Variants in KLF12 observed in about 807,000 individuals in gnomAD.
KLF12 encodes the protein KLF transcription factor 12, also known as Krueppel-like factor 12.
Under a neutral mutation model 37.8 loss-of-function variants are expected in KLF12, and 9 were observed. The observed-to-expected ratio is 0.24, with a 90% CI of 0.14 to 0.42. KLF12 has a LOEUF of 0.42. KLF12 is among the 10% of genes least tolerant of loss of function. KLF12 has a pLI of 1.00. For missense variants in KLF12, 411 were observed against 516.0 expected (o/e 0.80, Z 1.97); for synonymous variants, 208 against 202.1 (o/e 1.03, Z -0.25).
the KLF12 span, among the ~76,000 whole-genome samples, chr13:74,230,865 CTGTTA>C: frequency 6.6e-6 from 1 of 152,164 alleles, no homozygotes; most frequent in African/African-American, 2.4e-5. Flanking sequence ...AATTTTCATT[CTGTTA>C]TGAGTAACCC....
At chr13:74,132,598 A>G (rs1431372083) in intron 1 of KLF12, among the ~76,000 whole-genome samples, 1 of 152,238 alleles carries the variant, frequency 6.6e-6, no homozygotes, top group Non-Finnish European at 1.5e-5. Context: ...CAAACTGTTT[A>G]TCCAGATTAC....
At chr13:74,090,798 T>C (rs981389677) in intron 1 of KLF12, among the ~76,000 whole-genome samples, 1 of 152,096 alleles carries the variant, frequency 6.6e-6, no homozygotes, top group African/African-American at 2.4e-5. Flanking sequence ...AGGTTCTCCT[T>C]TATTCTCTTA....
chr13:74,250,349 T>C, the KLF12 span, among the ~76,000 whole-genome samples: 2 of 152,156 alleles, frequency 1.3e-5, no homozygotes, highest in African/African-American at 4.8e-5. Flanking sequence ...ACAGATATCT[T>C]GAAATCATGC....
chr13:74,276,406 A>T, the KLF12 span, among the ~76,000 whole-genome samples: 1 of 152,162 alleles, frequency 6.6e-6, no homozygotes, highest in African/African-American at 2.4e-5. Context: ...ATCAAATTTT[A>T]AAAATTCCAT....
intron 3 of KLF12, among the ~76,000 whole-genome samples, chr13:73,919,397 G>A (rs1215474096): frequency 6.6e-6 from 1 of 152,136 alleles, no homozygotes; most frequent in East Asian, 1.9e-4. Context: ...CTGCTAGACT[G>A]CACAGAGACA....
chr13:74,088,014 T>C (rs2138800083), intron 1 of KLF12, among the ~76,000 whole-genome samples: 1 of 152,200 alleles, frequency 6.6e-6, no homozygotes, highest in South Asian at 2.1e-4. Context: ...TCCTTGAAAC[T>C]TCACAGGGAC....
chr13:73,919,247 T>A (rs1593725856), intron 3 of KLF12, among the ~76,000 whole-genome samples: 1 of 152,300 alleles, frequency 6.6e-6, no homozygotes, highest in South Asian at 2.1e-4. Flanking sequence ...CACCCAGGAT[T>A]TACCATGAAA....
chr13:73,768,637 G>A (rs1179627539), intron 5 of KLF12, among the ~76,000 whole-genome samples: 2 of 152,102 alleles, frequency 1.3e-5, no homozygotes, highest in Admixed American at 1.3e-4. Flanking sequence ...TCAAGAACAA[G>A]ACAGTAATCA....
Position 73,989,872 on chromosome 13 carries a change from A to C in KLF12, c.33+5118T>G, listed in dbSNP as rs528327496. The stretch of plus-strand genomic sequence containing the variant: ...AAACAGATGAGGAATTTAGACAAAT[A>C]TCTCTTCATAGACTCCAAAAAATTA... On this transcript the variant is annotated intron_variant, in intron 2 of 7. Coordinates refer to ENST00000377669, the MANE Select transcript of KLF12 (RefSeq NM_007249.5). Among the ~76,000 whole-genome samples the C allele has an allele frequency of 4.6e-5, 7 of 152,294 alleles. No individual in the cohort carries two copies. In the South Asian group the frequency reaches 1.4e-3, roughly 32 times the overall value.
chr13:73,963,418 A>G (rs977279460), intron 2 of KLF12, among the ~76,000 whole-genome samples: 4 of 152,022 alleles, frequency 2.6e-5, no homozygotes, highest in Non-Finnish European at 5.9e-5. Flanking sequence ...GGGAAAAACC[A>G]TCGCAGGCAT....
chr13:73,834,556 G>A (rs908080823), intron 4 of KLF12, among the ~76,000 whole-genome samples: 4 of 151,970 alleles, frequency 2.6e-5, no homozygotes, highest in Non-Finnish European at 4.4e-5. Flanking sequence ...TGTTTCCTAC[G>A]CCAGGGTGCA....
intron 6 of KLF12, among the ~76,000 whole-genome samples, chr13:73,738,116 T>TACACACACACATATATGTGTGTGTAC (rs1566331275): frequency 9.0e-5 from 6 of 66,608 alleles, no homozygotes; most frequent in Admixed American, 8.0e-4. Flanking sequence ...TATATATATA[T>TACACACACACATATATGTGTGTGTAC]ATATATATAC....
intron 7 of KLF12, among the ~76,000 whole-genome samples, chr13:73,711,815 A>G (rs988464652): frequency 6.6e-6 from 1 of 152,224 alleles, no homozygotes; most frequent in African/African-American, 2.4e-5. Flanking sequence ...CTATAGCTCC[A>G]TAGCTAGTGA....
intron 6 of KLF12, among the ~76,000 whole-genome samples, chr13:73,720,362 T>C (rs181723052): frequency 0.011 from 1,137 of 105,364 alleles, 6 homozygotes; most frequent in Non-Finnish European, 0.02. Context: ...GGCCTTTTTA[T>C]AAAGAATGGG....
intron 1 of KLF12, among the ~76,000 whole-genome samples, chr13:74,029,551 T>C (rs1011336529): frequency 3.3e-5 from 5 of 152,118 alleles, no homozygotes; most frequent in Admixed American, 6.6e-5. Context: ...CGGTTCTCTG[T>C]AGTGTTTAAG....
At chr13:73,796,548 T>TGTGTGTGTGTGTGTGTG (rs1881983326) in intron 5 of KLF12, among the ~76,000 whole-genome samples, 3 of 148,656 alleles carry the variant, frequency 2.0e-5, no homozygotes, top group Non-Finnish European at 3.0e-5. Flanking sequence ...TGTGTGTGTG[T>TGTGTGTGTGTGTGTGTG]TATTAAATCT....
chr13:74,091,879 A>T (rs1212391604), intron 1 of KLF12, among the ~76,000 whole-genome samples: 2 of 152,040 alleles, frequency 1.3e-5, no homozygotes, highest in Non-Finnish European at 1.5e-5. Context: ...CTGATAGGGG[A>T]TGTTGATAAT....
intron 6 of KLF12, among the ~76,000 whole-genome samples, chr13:73,732,652 G>A (rs1357660873): frequency 6.6e-6 from 1 of 152,072 alleles, no homozygotes; most frequent in Non-Finnish European, 1.5e-5. Context: ...TCCTCCAGCC[G>A]TTTCTCCTTT....
the KLF12 span, among the ~76,000 whole-genome samples, chr13:74,191,616 C>G: frequency 6.6e-6 from 1 of 152,214 alleles, no homozygotes; most frequent in East Asian, 1.9e-4. Flanking sequence ...CTGACATCTC[C>G]CTGAAGAAAT....
Sources: allele counts gnomAD v4.1 joint callset (sites outside exome capture counted in the v4.1 genomes callset), GRCh38; gene constraint gnomAD v4.1.1; transcripts MANE v1.5; gene names NCBI Gene and HGNC (gene_info 2026-07-23, HGNC 2026-07-21).